Variants in CCDC15 observed in about 807,000 individuals in gnomAD.
CCDC15 encodes the protein coiled-coil domain-containing protein 15.
Under a neutral mutation model 114.5 loss-of-function variants are expected in CCDC15, and 105 were observed. That is an observed-to-expected ratio of 0.92 (90% CI 0.78 to 1.08). The LOEUF is 1.08. Among genes scored for constraint, CCDC15 ranks in the 50% least tolerant of loss-of-function variants. CCDC15 has a pLI of 0.00. For synonymous variants in CCDC15, 334 were observed against 377.8 expected (o/e 0.88, Z 1.34); for missense variants, 1,105 against 1,093.6 (o/e 1.01, Z -0.15).
At chr11:124,961,456 C>G (rs761931602) in intron 4 of CCDC15, among the ~76,000 whole-genome samples, 5 of 152,128 alleles carry the variant, frequency 3.3e-5, no homozygotes, top group African/African-American at 4.8e-5. Context: ...TTTAAGGAAA[C>G]AGTAGGGGAA....
At chr11:124,983,172 C>T (rs1355692130) in intron 6 of CCDC15, among the ~76,000 whole-genome samples, 5 of 152,124 alleles carry the variant, frequency 3.3e-5, no homozygotes, top group Non-Finnish European at 5.9e-5. Context: ...GCCATTTTGT[C>T]TATCAGCTTC....
intron 13 of CCDC15, among the ~76,000 whole-genome samples, chr11:125,031,559 C>T (rs892481397): frequency 2.6e-5 from 4 of 152,174 alleles, no homozygotes; most frequent in Admixed American, 2.6e-4. Context: ...GATGACCCTT[C>T]AGTTTTCACC....
chr11:124,973,203 T>A (rs188033284), intron 4 of CCDC15, among the ~76,000 whole-genome samples: 2 of 152,180 alleles, frequency 1.3e-5, no homozygotes, highest in Non-Finnish European at 2.9e-5. Context: ...GTGACTCTAA[T>A]AGAGGTTTGG....
chr11:125,024,400 A>C (rs1948681492), intron 13 of CCDC15, among the ~76,000 whole-genome samples: 1 of 152,214 alleles, frequency 6.6e-6, no homozygotes, highest in South Asian at 2.1e-4. Flanking sequence ...TCTAGAAATA[A>C]TTTGGGAAAA....
At chr11:124,968,720 CT>C (rs35373170) in intron 4 of CCDC15, among the ~76,000 whole-genome samples, 30,851 of 151,984 alleles carry the variant, frequency 0.2, 3,716 homozygotes, top group African/African-American at 0.34. Context: ...ATGCAGAAAT[CT>C]ACCTGTCTTC....
intron 2 of CCDC15, among the ~76,000 whole-genome samples, chr11:124,955,962 G>C (rs1349303252): frequency 2.0e-5 from 3 of 152,074 alleles, no homozygotes; most frequent in Non-Finnish European, 4.4e-5. Context: ...GAATTTGATC[G>C]GAGAAGGGAA....
At position 124,999,068 on chromosome 11, in the gene CCDC15, C is replaced by G. The variant is rs572558922; in HGVS notation, c.2215-4799C>G. On this transcript the variant is annotated intron_variant, in intron 11 of 15. Coordinates refer to ENST00000344762, the MANE Select transcript of CCDC15 (RefSeq NM_025004.3). ...CTCTACTTATTGACTCTTTTTGTTG[C>G]TTGCACATTAGAAACATTTTTCCAC... Among the ~76,000 whole-genome samples the G allele has an allele frequency of 1.2e-4, 19 of 152,142 alleles. No individual in the cohort carries two copies. In the East Asian group the frequency reaches 3.7e-3, roughly 29 times the overall value.
At chr11:124,986,679 G>C in intron 6 of CCDC15, 63 bp from the exon 7 acceptor site, 8 of 1,385,060 alleles carry the variant, frequency 5.8e-6, no homozygotes, top group Non-Finnish European at 7.7e-6. Flanking sequence ...GTGTGTGTGT[G>C]TGTGTGTGTG....
intron 11 of CCDC15, among the ~76,000 whole-genome samples, chr11:124,996,482 G>C (rs1355222838): frequency 6.6e-6 from 1 of 152,116 alleles, no homozygotes; most frequent in African/African-American, 2.4e-5. Flanking sequence ...TGCATCCTTT[G>C]AGTCCTCTTT....
intron 13 of CCDC15, among the ~76,000 whole-genome samples, chr11:125,036,385 C>CT (rs1555075611): frequency 1.1e-4 from 5 of 43,688 alleles, no homozygotes; most frequent in East Asian, 1.4e-3. Flanking sequence ...TGTTTCTTTT[C>CT]CTACTTTTAG....
At chr11:124,964,714 G>T (rs1024248985) in intron 4 of CCDC15, among the ~76,000 whole-genome samples, 5 of 152,270 alleles carry the variant, frequency 3.3e-5, no homozygotes, top group Admixed American at 2.0e-4. Flanking sequence ...TCGCTGTCTT[G>T]TGCCAGTTTT....
Position 125,039,031 on chromosome 11 carries a change from C to A in CCDC15, c.2696C>A (p.Thr899Asn). Residue 899 changes from threonine (T) to asparagine (N), a missense_variant, in exon 15 of 16, where the codon ACC (threonine) becomes AAC (asparagine). Coordinates refer to ENST00000344762, the MANE Select transcript of CCDC15 (RefSeq NM_025004.3). ...GATTTTTGGGATGCTCATCCTGATA[C>A]CTGTGCCAACAACTGTATTTTCTAT... is the stretch of plus-strand genomic sequence containing the variant. ...GPDFWDAHPDTCANNCIFYKN... is the reference protein window; with the variant it reads ...GPDFWDAHPDNCANNCIFYKN... 6.2e-7 allele frequency: 1 copy of A among 1,607,830 alleles called. No individual in the cohort carries two copies. The highest frequency in any genetic ancestry group is 8.5e-7 in the Non-Finnish European group (1 of 1,175,566).
At chr11:124,985,069 C>T (rs1472179410) in intron 6 of CCDC15, among the ~76,000 whole-genome samples, 1 of 152,200 alleles carries the variant, frequency 6.6e-6, no homozygotes, top group East Asian at 1.9e-4. Flanking sequence ...ATAGGTTTAC[C>T]TATACTGGAC....
At chr11:124,991,142 G>A (rs1248926567) in intron 8 of CCDC15, among the ~76,000 whole-genome samples, 1 of 152,192 alleles carries the variant, frequency 6.6e-6, no homozygotes, top group Non-Finnish European at 1.5e-5. Flanking sequence ...GTAGGAGAGG[G>A]AGAGAGGCAC....
At chr11:125,018,779 A>T (rs1288181137) in intron 13 of CCDC15, among the ~76,000 whole-genome samples, 3 of 152,030 alleles carry the variant, frequency 2.0e-5, no homozygotes, top group African/African-American at 7.2e-5. Context: ...AAAGTACAAG[A>T]ATATGTGGTA....
intron 13 of CCDC15, among the ~76,000 whole-genome samples, chr11:125,022,022 T>A (rs1948663654): frequency 6.6e-6 from 1 of 151,968 alleles, no homozygotes; most frequent in Non-Finnish European, 1.5e-5. Context: ...CTTTACTGGC[T>A]CTCATTGGAA....
intron 13 of CCDC15, among the ~76,000 whole-genome samples, chr11:125,018,719 T>G (rs1020536962): frequency 2.0e-5 from 3 of 152,038 alleles, no homozygotes; most frequent in African/African-American, 7.2e-5. Context: ...GAATCACAAA[T>G]ATAGTATGTA....
At chr11:124,986,951 A>G in intron 7 of CCDC15, 63 bp downstream of exon 7, 2 of 1,458,572 alleles carry the variant, frequency 1.4e-6, no homozygotes, top group South Asian at 1.5e-5. Flanking sequence ...GTAATGTTGT[A>G]CTGATTTAGG....
At chr11:124,977,735 C>T in intron 6 of CCDC15, 135 bp downstream of exon 6, 1 of 845,656 alleles carries the variant, frequency 1.2e-6, no homozygotes, top group Non-Finnish European at 1.7e-6. Flanking sequence ...ATTCATATAC[C>T]ATACAATTCA....
Sources: allele counts gnomAD v4.1 joint callset (sites outside exome capture counted in the v4.1 genomes callset), GRCh38; gene constraint gnomAD v4.1.1; transcripts MANE v1.5; gene names NCBI Gene and HGNC (gene_info 2026-07-23, HGNC 2026-07-21).